TRPM6: variants seen among roughly 807,000 people sequenced by gnomAD.
TRPM6 encodes the protein channel kinase 2.
A neutral mutation model predicts 247.6 loss-of-function variants in TRPM6; 111 were observed. The ratio of observed to expected loss-of-function variants is 0.45; its 90% CI spans 0.38 to 0.52. The LOEUF is 0.52. Ranked by LOEUF, TRPM6 falls within the 20% of genes least tolerant of loss-of-function variation. The pLI is 0.00. For synonymous variants in TRPM6, 892 were observed against 853.8 expected (o/e 1.04, Z -0.78); for missense variants, 2,126 against 2,421.5 (o/e 0.88, Z 2.56).
chr9:74,831,452 C>T (rs1439713335), intron 6 of TRPM6, among the ~76,000 whole-genome samples: 1 of 151,934 alleles, frequency 6.6e-6, no homozygotes, highest in African/African-American at 2.4e-5. Context: ...ATCGTGCCAC[C>T]ACACTCCAGC....
At chr9:74,865,890 G>C (rs1413300302) in intron 1 of TRPM6, among the ~76,000 whole-genome samples, 1 of 152,154 alleles carries the variant, frequency 6.6e-6, no homozygotes, top group African/African-American at 2.4e-5. Context: ...TCCTGCCTCA[G>C]CCCCCTGAGA....
At chr9:74,868,360 T>A (rs1333554054) in intron 1 of TRPM6, among the ~76,000 whole-genome samples, 1 of 151,796 alleles carries the variant, frequency 6.6e-6, no homozygotes, top group African/African-American at 2.4e-5. Context: ...CTGGGCATGG[T>A]GGTGCATGCC....
At chr9:74,863,962 G>A (rs1830769020) in intron 1 of TRPM6, among the ~76,000 whole-genome samples, 1 of 151,220 alleles carries the variant, frequency 6.6e-6, no homozygotes, top group Non-Finnish European at 1.5e-5. Flanking sequence ...CAGGTCATTT[G>A]TTTTCTTTCT....
At position 74,842,241 on chromosome 9, in the gene TRPM6, CT is replaced by C; in HGVS notation, c.254del (p.Lys85SerfsTer42). The C allele has an allele frequency of 6.2e-7, 1 of 1,614,054 alleles. No homozygotes were observed. Among genetic ancestry groups the C allele is most frequent in the Non-Finnish European group, 8.5e-7 (1 of 1,180,030 alleles). Reference sequence around the variant, plus strand: ...TATCTGTTGGGCTTTTCGTTGTGTGCTTTTCAACAGACCATTGTTCACTTTC... The same window carrying C: ...TATCTGTTGGGCTTTTCGTTGTGTGCTTTCAACAGACCATTGTTCACTTTC... Reference protein sequence around the residue: ...GKESEQWSVEKHTTKSPTDTF... With the variant: ...GKESEQWSVEXHTTKSPTDTF... On this transcript the variant is annotated frameshift_variant, in exon 4 of 39. Transcript: ENST00000360774. LOFTEE classifies it high-confidence loss of function.
rs1389486875 is a variant in TRPM6 at position 74,887,739 on chromosome 9, C to A, written c.33+85G>T. The stretch of plus-strand genomic sequence containing the variant: ...GTTAGATGTAGTGTCCCTGGCCCCA[C>A]CCACTTCTATCTAAGGCCGGGGGCG... On this transcript the variant is annotated intron_variant, in intron 1 of 38. Coordinates refer to ENST00000360774, the MANE Select transcript of TRPM6 (RefSeq NM_017662.5). 4 of 1,613,502 alleles carry A rather than the reference C, an allele frequency of 2.5e-6. No homozygotes were observed. The African/African-American group carries it at 4.0e-5, about 16-fold the overall frequency.
Position 74,838,707 on chromosome 9 carries a change from C to T in TRPM6, c.544+1317G>A, listed in dbSNP as rs145120328. On this transcript the variant is annotated intron_variant, in intron 5 of 38. Transcript: ENST00000360774. ...TTGAGATATTCAAGAAGCTGTTTGA[C>T]GAGTGCGTTGGCATCTCGTGTAGAT... Among the ~76,000 whole-genome samples, 36 of 152,070 alleles carry T rather than the reference C, an allele frequency of 2.4e-4. No homozygotes were observed. In the East Asian group the frequency reaches 5.0e-3, roughly 21 times the overall value.
At chr9:74,887,368 C>G in intron 1 of TRPM6, 1 of 1,391,642 alleles carries the variant, frequency 7.2e-7, no homozygotes, top group Non-Finnish European at 9.3e-7. Context: ...GGCTAGTCAG[C>G]GTCCGGGTCT....
At chr9:74,871,513 C>A (rs1290759796) in intron 1 of TRPM6, among the ~76,000 whole-genome samples, 1 of 152,010 alleles carries the variant, frequency 6.6e-6, no homozygotes, top group Non-Finnish European at 1.5e-5. Flanking sequence ...ATATGGAAGT[C>A]CCATAATTGA....
chr9:74,840,663 A>G (rs1829905627), intron 4 of TRPM6, among the ~76,000 whole-genome samples: 1 of 152,060 alleles, frequency 6.6e-6, no homozygotes, highest in African/African-American at 2.4e-5. Flanking sequence ...AAAAATACAA[A>G]AAAATTAGCC....
intron 1 of TRPM6, among the ~76,000 whole-genome samples, chr9:74,863,344 A>T (rs1262119703): frequency 6.6e-6 from 1 of 151,924 alleles, no homozygotes; most frequent in Non-Finnish European, 1.5e-5. Context: ...ACTGTGCATG[A>T]CTGAAACAAA....
chr9:74,782,086 A>C (rs1827481308), intron 23 of TRPM6, among the ~76,000 whole-genome samples: 1 of 152,206 alleles, frequency 6.6e-6, no homozygotes, highest in Non-Finnish European at 1.5e-5. Context: ...ACCATTTTCT[A>C]TAAGGGACTG....
rs1208153792 is a variant in TRPM6, at chr9:74,844,710, AC to A, written c.153-2368del. 5.3e-5 allele frequency among the ~76,000 whole-genome samples: 8 copies of A among 152,306 alleles called. No individual in the cohort carries two copies. In the South Asian group the frequency reaches 1.7e-3, roughly 32 times the overall value. Reference sequence around the variant, plus strand: ...TTCTTTTTTTATCATTTGTGTGTTCACTGGAGTAGCACTTATAATTTCCATC... The same window carrying A: ...TTCTTTTTTTATCATTTGTGTGTTCATGGAGTAGCACTTATAATTTCCATC... On this transcript the variant is annotated intron_variant, in intron 3 of 38. Transcript: ENST00000360774.
In TRPM6 at chr9:74,723,851, T is replaced by TTA. The variant is rs1563983638; in HGVS notation, c.*760_*761dup. On this transcript the variant is annotated 3_prime_UTR_variant, in exon 39 of 39. Coordinates refer to ENST00000360774, the MANE Select transcript of TRPM6 (RefSeq NM_017662.5). ...AAAATATATATATTCCATATGTATT[T>TTA]TATATATATAATATATATATTCCAT... 6.9e-6 allele frequency: 1 copy of TTA among 145,040 alleles called. No individual in the cohort carries two copies. The highest frequency in any genetic ancestry group is 1.5e-5 in the Non-Finnish European group (1 of 66,920). The allele number at this position is 145,040 out of a possible 1,614,324, so 9.0% of individuals were successfully genotyped here.
At chr9:74,817,127 C>A (rs1177137703) in intron 9 of TRPM6, among the ~76,000 whole-genome samples, 163 bp from the exon 10 acceptor site, 1 of 151,986 alleles carries the variant, frequency 6.6e-6, no homozygotes, top group East Asian at 1.9e-4. Context: ...AATAGGGTAA[C>A]AAAGAATTAT....
At chr9:74,753,110 C>CAAAAAAAA (rs35980332) in intron 28 of TRPM6, among the ~76,000 whole-genome samples, 1 of 104,200 alleles carries the variant, frequency 9.6e-6, no homozygotes, top group Non-Finnish European at 2.0e-5. Context: ...GAGACTGTCT[C>CAAAAAAAA]AAAAAAAAAA....
intron 36 of TRPM6, among the ~76,000 whole-genome samples, chr9:74,736,527 G>C (rs1340100391): frequency 6.6e-6 from 1 of 152,164 alleles, no homozygotes; most frequent in African/African-American, 2.4e-5. Context: ...CCAAGTGCCT[G>C]GCACAAACGT....
chr9:74,822,422 TTTTTCAGTTATTTGTAGA>T (rs1482504006), intron 7 of TRPM6, among the ~76,000 whole-genome samples: 1 of 151,254 alleles, frequency 6.6e-6, no homozygotes, highest in Non-Finnish European at 1.5e-5. Flanking sequence ...GCTTTTTTTT[TTTTTCAGTTATTTGTAGA>T]GATGGGGTCT....
chr9:74,727,932 G>A (rs1825387425), intron 38 of TRPM6, among the ~76,000 whole-genome samples: 1 of 152,046 alleles, frequency 6.6e-6, no homozygotes, highest in Non-Finnish European at 1.5e-5. Context: ...GGGGGGTGGG[G>A]CGGGGGCAAA....
chr9:74,838,505 T>G (rs1829802277), intron 5 of TRPM6, among the ~76,000 whole-genome samples: 1 of 152,224 alleles, frequency 6.6e-6, no homozygotes, highest in African/African-American at 2.4e-5. Flanking sequence ...CTTTGTTATG[T>G]CAGTACAAGG....
Sources: gnomAD v4.1 joint callset for allele counts (sites outside exome capture counted in the v4.1 genomes callset) on GRCh38, gnomAD v4.1.1 for gene constraint, MANE v1.5 for transcripts, NCBI Gene and HGNC (gene_info 2026-07-23, HGNC 2026-07-21) for gene names.